The following VPS35L variants were observed in gnomAD, a reference collection of about 807,000 sequenced individuals.
The protein encoded by VPS35L is VPS35 endosomal protein sorting factor like.
Under a neutral mutation model 133.0 loss-of-function variants are expected in VPS35L, and 83 were observed. The ratio of observed to expected loss-of-function variants is 0.62; its 90% CI spans 0.52 to 0.75. The LOEUF is 0.75. Among genes scored for constraint, VPS35L ranks in the 30% least tolerant of loss-of-function variants. The probability of loss-of-function intolerance (pLI) is 0.00; values close to 1 mark genes in which losing one functional copy is unlikely to be tolerated. For missense variants in VPS35L, 1,083 were observed against 1,206.8 expected (o/e 0.90, Z 1.52); for synonymous variants, 423 against 449.9 (o/e 0.94, Z 0.76).
At chr16:19,620,979 A>C (rs1302800343) in intron 14 of VPS35L, among the ~76,000 whole-genome samples, 1 of 152,078 alleles carries the variant, frequency 6.6e-6, no homozygotes, top group East Asian at 1.9e-4. Flanking sequence ...AAAAATAAAT[A>C]ATTAAAAATT....
chr16:19,666,992 C>CT (rs903618624), intron 26 of VPS35L, among the ~76,000 whole-genome samples: 1 of 146,496 alleles, frequency 6.8e-6, no homozygotes, highest in Non-Finnish European at 1.5e-5. Flanking sequence ...TTCTTTCTTT[C>CT]TTTTTTTTTG....
intron 26 of VPS35L, among the ~76,000 whole-genome samples, chr16:19,657,875 GTTTGA>G: frequency 6.6e-6 from 1 of 152,352 alleles, no homozygotes. Flanking sequence ...TTTGAAGAGT[GTTTGA>G]TTTGATTGTT....
At chr16:19,693,881 C>T (rs895991521) in intron 29 of VPS35L, among the ~76,000 whole-genome samples, 2 of 145,576 alleles carry the variant, frequency 1.4e-5, no homozygotes, top group African/African-American at 2.6e-5. Context: ...GGCGGGAACT[C>T]GAGGCTGCAG....
rs145568090 is a variant in VPS35L, at chr16:19,603,463, C to T, written c.784+1740C>T. On this transcript the variant is annotated intron_variant, in intron 9 of 30. Transcript: ENST00000417362. ...TGTTTATGTTGATTACATGTTGAAACGGTATTCTGGATGAATCGGGTAAAG... is the reference window on the plus strand; with the variant it reads ...TGTTTATGTTGATTACATGTTGAAATGGTATTCTGGATGAATCGGGTAAAG... 1.3e-3 allele frequency among the ~76,000 whole-genome samples: 198 copies of T among 152,288 alleles called. 1 individual carries two copies. In the Middle Eastern group the frequency reaches 0.014, roughly 10 times the overall value.
At chr16:19,694,650 C>G (rs1180634873) in intron 29 of VPS35L, among the ~76,000 whole-genome samples, 1 of 152,072 alleles carries the variant, frequency 6.6e-6, no homozygotes, top group Admixed American at 6.5e-5. Flanking sequence ...CCACCACACC[C>G]AGCTAAGTTC....
At chr16:19,636,596 A>C (rs1973629584) in intron 19 of VPS35L, among the ~76,000 whole-genome samples, 1 of 152,138 alleles carries the variant, frequency 6.6e-6, no homozygotes. Flanking sequence ...TTTTTGCTTG[A>C]CTGACCTAGT....
intron 12 of VPS35L, among the ~76,000 whole-genome samples, chr16:19,612,531 G>A (rs920652736): frequency 6.6e-6 from 1 of 152,206 alleles, no homozygotes; most frequent in African/African-American, 2.4e-5. Flanking sequence ...TGGGATTACA[G>A]GTGTGAGCCC....
intron 29 of VPS35L, among the ~76,000 whole-genome samples, chr16:19,693,640 T>C (rs1975784646): frequency 1.3e-5 from 2 of 151,804 alleles, no homozygotes; most frequent in African/African-American, 2.4e-5. Context: ...AAAAATTAGT[T>C]GGGTGTGGTG....
intron 29 of VPS35L, among the ~76,000 whole-genome samples, chr16:19,697,561 G>A (rs554015798): frequency 6.6e-6 from 1 of 152,106 alleles, no homozygotes; most frequent in South Asian, 2.1e-4. Flanking sequence ...ACAGTAAGAA[G>A]GGGTAAATCA....
chr16:19,568,307 T>C (rs868844796), intron 2 of VPS35L, among the ~76,000 whole-genome samples: 356 of 137,546 alleles, frequency 2.6e-3, no homozygotes, highest in Non-Finnish European at 4.0e-3. Flanking sequence ...CGCCCCCCCC[T>C]TTTTTTTTTT....
At chr16:19,638,601 G>A (rs1486521807) in intron 20 of VPS35L, among the ~76,000 whole-genome samples, 2 of 152,202 alleles carry the variant, frequency 1.3e-5, no homozygotes, top group African/African-American at 4.8e-5. Flanking sequence ...CACTTTGGGA[G>A]CATCATTAAG....
rs370516328 is a variant in VPS35L at position 19,682,318 on chromosome 16, C to T, written c.2455C>T (p.Arg819Cys). The T allele has an allele frequency of 5.0e-5, 81 of 1,613,140 alleles. No homozygotes were observed. Among genetic ancestry groups the T allele is most frequent in the Non-Finnish European group, 5.9e-5 (70 of 1,179,732 alleles). The change falls in exon 28 of 31, where the codon CGC (arginine) becomes TGC (cysteine). Residue 819 changes from arginine to cysteine, a missense_variant. Coordinates refer to ENST00000417362, the MANE Select transcript of VPS35L (RefSeq NM_020314.7). The stretch of plus-strand genomic sequence containing the variant: ...GGAGGACAACAGCGATGAGAAAATC[C>T]GCATCTACACCTGCGTCCTGCATCT... ...TWEDNSDEKI[R>C]IYTCVLHLLS...
At chr16:19,558,759 A>G (rs928152162) in intron 1 of VPS35L, among the ~76,000 whole-genome samples, 3 of 150,992 alleles carry the variant, frequency 2.0e-5, no homozygotes, top group Non-Finnish European at 4.4e-5. Context: ...TGTCTCTACT[A>G]GAAAAAAAAA....
intron 14 of VPS35L, among the ~76,000 whole-genome samples, chr16:19,621,775 A>G (rs1385389758): frequency 6.6e-6 from 1 of 152,236 alleles, no homozygotes; most frequent in African/African-American, 2.4e-5. Flanking sequence ...AAGTTCCTTT[A>G]TGACAACAGA....
intron 26 of VPS35L, among the ~76,000 whole-genome samples, chr16:19,663,062 C>T (rs1158915157): frequency 6.6e-6 from 1 of 152,044 alleles, no homozygotes; most frequent in African/African-American, 2.4e-5. Flanking sequence ...ATAATCCCAG[C>T]ACTTTGGGAG....
At chr16:19,638,975 G>A (rs186733598) in intron 20 of VPS35L, among the ~76,000 whole-genome samples, 1 of 152,256 alleles carries the variant, frequency 6.6e-6, no homozygotes, top group Non-Finnish European at 1.5e-5. Context: ...GTGTGGTGGT[G>A]CATGCCTGTA....
At chr16:19,624,061 C>T (rs1040841814) in intron 14 of VPS35L, among the ~76,000 whole-genome samples, 4 of 147,518 alleles carry the variant, frequency 2.7e-5, no homozygotes, top group African/African-American at 1.0e-4. Context: ...CCATCAGCCT[C>T]TCAAAGTGCT....
chr16:19,614,957 C>T (rs11544069), intron 12 of VPS35L, among the ~76,000 whole-genome samples: 7,717 of 152,244 alleles, frequency 0.051, 625 homozygotes, highest in African/African-American at 0.17. Context: ...AGCATTGTTA[C>T]ACTTCATGCT....
intron 1 of VPS35L, among the ~76,000 whole-genome samples, chr16:19,558,880 G>A (rs998034089): frequency 5.4e-5 from 8 of 148,926 alleles, no homozygotes; most frequent in African/African-American, 1.7e-4. Flanking sequence ...CTGAGATCGC[G>A]CCACTGCACT....
Sources: allele counts gnomAD v4.1 joint callset (sites outside exome capture counted in the v4.1 genomes callset), GRCh38; gene constraint gnomAD v4.1.1; transcripts MANE v1.5; gene names NCBI Gene and HGNC (gene_info 2026-07-23, HGNC 2026-07-21).